The following SHROOM3 variants were observed in gnomAD, a reference collection of about 807,000 sequenced individuals.
SHROOM3 encodes the protein shroom family member 3, also known as protein Shroom3.
SHROOM3 carries 47 observed loss-of-function variants against 138.6 expected under a neutral mutation model. The ratio of observed to expected loss-of-function variants is 0.34; its 90% CI spans 0.27 to 0.43. The LOEUF is 0.43. Among genes scored for constraint, SHROOM3 ranks in the 20% least tolerant of loss-of-function variants. SHROOM3 has a pLI of 1.00. For synonymous variants in SHROOM3, 1,062 were observed against 1,063.3 expected (o/e 1.00, Z 0.02); for missense variants, 2,491 against 2,596.5 (o/e 0.96, Z 0.88).
chr4:76,738,253 G>A (rs1315064315), intron 4 of SHROOM3, among the ~76,000 whole-genome samples: 1 of 152,166 alleles, frequency 6.6e-6, no homozygotes, highest in Non-Finnish European at 1.5e-5. Flanking sequence ...AAGATTGCCA[G>A]GGTGTATCCT....
At chr4:76,509,366 G>A (rs72659727) in intron 1 of SHROOM3, 6,062 of 152,202 alleles carry the variant, frequency 0.04, 135 homozygotes, top group Middle Eastern at 0.065. Context: ...AGCTGTGCAG[G>A]TACCTGGGGC....
chr4:76,610,215 A>G (rs1339045413), intron 2 of SHROOM3, among the ~76,000 whole-genome samples: 2 of 152,174 alleles, frequency 1.3e-5, no homozygotes, highest in African/African-American at 4.8e-5. Flanking sequence ...AAAAAAAATC[A>G]CCCTCATTTC....
rs551481727 is a variant in SHROOM3 at position 76,502,148 on chromosome 4, T to G, written c.169-53461T>G. Among the ~76,000 whole-genome samples the G allele has an allele frequency of 5.3e-5, 8 of 152,290 alleles. No homozygotes were observed. In the South Asian group the frequency reaches 1.7e-3, roughly 32 times the overall value. Reference sequence around the variant, plus strand: ...CTGGCATGTGATGCCCTGTGCCGTCTCGGGACTCTCCAGAGTCCCCGCCAT... The same window carrying G: ...CTGGCATGTGATGCCCTGTGCCGTCGCGGGACTCTCCAGAGTCCCCGCCAT... On this transcript the variant is annotated intron_variant, in intron 1 of 10. Coordinates refer to ENST00000296043, the MANE Select transcript of SHROOM3 (RefSeq NM_020859.4).
At chr4:76,650,004 G>T (rs1735917682) in intron 2 of SHROOM3, among the ~76,000 whole-genome samples, 1 of 152,168 alleles carries the variant, frequency 6.6e-6, no homozygotes, top group African/African-American at 2.4e-5. Context: ...CTGGCTCGCA[G>T]GTGGCTTCCT....
rs199617893 is a variant in SHROOM3, at chr4:76,755,054, A to G, written c.4571A>G (p.Glu1524Gly). The G allele has an allele frequency of 2.1e-5, 34 of 1,600,718 alleles. No homozygotes were observed. Among genetic ancestry groups the G allele is most frequent in the Admixed American group, 6.7e-5 (4 of 59,448 alleles). The change falls in exon 7 of 11, where the codon GAA (glutamate) becomes GGA (glycine). Residue 1524 changes from glutamate (E) to glycine (G), a missense_variant. Physicochemically the swap from Glu to Gly is moderately conservative, Grantham distance 98 (BLOSUM62 -2). Coordinates refer to ENST00000296043, the MANE Select transcript of SHROOM3 (RefSeq NM_020859.4). ...HPKATSSPTF[E>G]PLPPPPPPPP... is the part of the protein sequence containing the mutation. Reference sequence around the variant, plus strand: ...AAGGCCACGTCCAGCCCCACATTTGAACCTCTTCCCCCACCCCCACCTCCT... The same window carrying G: ...AAGGCCACGTCCAGCCCCACATTTGGACCTCTTCCCCCACCCCCACCTCCT...
chr4:76,688,285 G>A, intron 2 of SHROOM3: 1 of 587,894 alleles, frequency 1.7e-6, no homozygotes, highest in Non-Finnish European at 2.1e-6. Context: ...GTCCATGAAG[G>A]TTTCAGTAAA....
At chr4:76,644,721 G>A (rs1158944149) in intron 2 of SHROOM3, among the ~76,000 whole-genome samples, 1 of 152,098 alleles carries the variant, frequency 6.6e-6, no homozygotes, top group Non-Finnish European at 1.5e-5. Flanking sequence ...TCCTTTAAAA[G>A]TTATATAGGA....
intron 2 of SHROOM3, among the ~76,000 whole-genome samples, chr4:76,654,293 G>A (rs1262853091): frequency 6.6e-6 from 1 of 152,224 alleles, no homozygotes; most frequent in African/African-American, 2.4e-5. Context: ...GAGGTAGACA[G>A]GTGACCTTGT....
chr4:76,689,606 C>T, intron 2 of SHROOM3: 1 of 985,158 alleles, frequency 1.0e-6, no homozygotes, highest in Non-Finnish European at 1.2e-6. Context: ...GGCGATGCCG[C>T]GCGCCGCCTC....
In SHROOM3 at chr4:76,770,671, G is replaced by C. The variant is rs753863037; in HGVS notation, c.5395G>C (p.Glu1799Gln). Residue 1799 changes from glutamate to glutamine, a missense_variant, in exon 10 of 11, where the codon GAG becomes CAG. This residue lies in a region of SHROOM3 where 470 missense variants were observed against 595.0 expected (regional missense o/e 0.79). Coordinates refer to ENST00000296043, the MANE Select transcript of SHROOM3 (RefSeq NM_020859.4). ...SLTHKLETLQ[E>Q]AKGSLLTDIK... is the part of the protein sequence containing the mutation. ...CACCCACAAGCTGGAGACCCTCCAG[G>C]AGGCGAAGGGGAGCCTGCTCACGGA... 1 of 1,614,172 alleles carries C rather than the reference G, an allele frequency of 6.2e-7. No homozygotes were observed. Among genetic ancestry groups the C allele is most frequent in the South Asian group, 1.1e-5 (1 of 91,080 alleles).
chr4:76,477,218 C>G (rs1360091864), intron 1 of SHROOM3, among the ~76,000 whole-genome samples: 1 of 152,060 alleles, frequency 6.6e-6, no homozygotes, highest in Non-Finnish European at 1.5e-5. Context: ...CCACCCCCCA[C>G]TCGGCCTCCC....
intron 9 of SHROOM3, among the ~76,000 whole-genome samples, chr4:76,762,528 A>C (rs1291226028): frequency 6.6e-6 from 1 of 152,242 alleles, no homozygotes; most frequent in Non-Finnish European, 1.5e-5. Context: ...GGGATAAAGA[A>C]AGATGAGAAA....
At chr4:76,495,617 G>A (rs1161704740) in intron 1 of SHROOM3, among the ~76,000 whole-genome samples, 6 of 152,140 alleles carry the variant, frequency 3.9e-5, no homozygotes. Flanking sequence ...TCTGCTCCTA[G>A]GAAACCCCTG....
chr4:76,642,553 G>C (rs966219752), intron 2 of SHROOM3, among the ~76,000 whole-genome samples: 4 of 152,168 alleles, frequency 2.6e-5, no homozygotes, highest in African/African-American at 9.7e-5. Flanking sequence ...TGGTTCTTGG[G>C]GAATAGTGAA....
At chr4:76,605,747 G>T (rs937619803) in intron 2 of SHROOM3, among the ~76,000 whole-genome samples, 1 of 151,536 alleles carries the variant, frequency 6.6e-6, no homozygotes, top group African/African-American at 2.4e-5. Flanking sequence ...ATGAAAAGAT[G>T]TATGCTTTTA....
chr4:76,716,176 C>G (rs548534791), intron 3 of SHROOM3: 1 of 397,636 alleles, frequency 2.5e-6, no homozygotes, highest in Non-Finnish European at 5.0e-6. Flanking sequence ...TTTTAATTGG[C>G]CAATTTACAG....
intron 1 of SHROOM3, among the ~76,000 whole-genome samples, chr4:76,474,633 G>A (rs1731443924): frequency 6.6e-6 from 1 of 152,144 alleles, no homozygotes; most frequent in Non-Finnish European, 1.5e-5. Flanking sequence ...AGATTTCTGA[G>A]GCCAGGCATG....
At chr4:76,596,173 AT>A (rs1223587959) in intron 2 of SHROOM3, among the ~76,000 whole-genome samples, 2 of 152,188 alleles carry the variant, frequency 1.3e-5, no homozygotes, top group Non-Finnish European at 2.9e-5. Context: ...CAGAAGTGAT[AT>A]ATAGTACTTG....
At position 76,435,976 on chromosome 4, in the gene SHROOM3, C is replaced by T. The variant is rs78134132; in HGVS notation, c.-77C>T. 3,771 of 1,521,888 alleles carry T rather than the reference C, an allele frequency of 2.5e-3. 10 individuals carry two copies. The highest frequency in any genetic ancestry group is 3.2e-3 in the Non-Finnish European group (3,506 of 1,106,108). The allele number at this position is 1,521,888 out of a possible 1,614,324, so 94.3% of individuals were successfully genotyped here. A position where few individuals can be genotyped will look rare whatever the true frequency, so the allele number is the denominator to read the frequency against. On this transcript the variant is annotated 5_prime_UTR_variant, in exon 1 of 11. Transcript: ENST00000296043. ...TTGTGTGTCCTGAAGGATGGGACAA[C>T]TTGTGCTGTAGAAGCACTGCTTGCC...
Sources: gnomAD v4.1 joint callset for allele counts (sites outside exome capture counted in the v4.1 genomes callset) on GRCh38, gnomAD v4.1.1 for gene constraint, gnomAD v4.1.1 regional missense constraint, MANE v1.5 for transcripts, NCBI Gene and HGNC (gene_info 2026-07-23, HGNC 2026-07-21) for gene names.